FAM135B: variants seen among roughly 807,000 people sequenced by gnomAD.
FAM135B encodes family with sequence similarity 135 member B, also known as protein FAM135B.
In FAM135B, 43 loss-of-function variants were observed where a neutral mutation model predicts 127.7. The ratio of observed to expected loss-of-function variants is 0.34; its 90% CI spans 0.26 to 0.43. The LOEUF (loss-of-function observed/expected upper bound fraction) is 0.43. Among genes scored for constraint, FAM135B ranks in the 20% least tolerant of loss-of-function variants. FAM135B has a pLI of 1.00. For synonymous variants in FAM135B, 670 were observed against 665.1 expected (o/e 1.01, Z -0.11); for missense variants, 1,558 against 1,725.6 (o/e 0.90, Z 1.72).
chr8:138,424,675 C>G (rs1245239293), intron 1 of FAM135B, among the ~76,000 whole-genome samples: 1 of 152,170 alleles, frequency 6.6e-6, no homozygotes, highest in Non-Finnish European at 1.5e-5. Flanking sequence ...GAAGCAATGA[C>G]ATTAGAATTC....
At chr8:138,148,289 C>G (rs761843790) in intron 14 of FAM135B, among the ~76,000 whole-genome samples, 1 of 152,148 alleles carries the variant, frequency 6.6e-6, no homozygotes, top group South Asian at 2.1e-4. Context: ...TCCTTCGCTA[C>G]ATTTATTCAT....
chr8:138,284,473 GA>G (rs1158752338), intron 3 of FAM135B, among the ~76,000 whole-genome samples: 3 of 151,232 alleles, frequency 2.0e-5, no homozygotes, highest in East Asian at 2.0e-4. Context: ...TTAGGATAAA[GA>G]AAAAAAAATC....
intron 3 of FAM135B, among the ~76,000 whole-genome samples, chr8:138,270,927 G>C (rs1424342791): frequency 6.6e-6 from 1 of 152,166 alleles, no homozygotes; most frequent in Non-Finnish European, 1.5e-5. Context: ...AGCAGCAAAG[G>C]GTTCACTTTT....
At chr8:138,299,396 C>G (rs1825710596) in intron 3 of FAM135B, among the ~76,000 whole-genome samples, 1 of 152,100 alleles carries the variant, frequency 6.6e-6, no homozygotes, top group East Asian at 1.9e-4. Flanking sequence ...TGAACTCCCC[C>G]CTCCAAACAA....
chr8:138,403,981 T>C (rs1833305219), intron 1 of FAM135B, among the ~76,000 whole-genome samples: 1 of 152,110 alleles, frequency 6.6e-6, no homozygotes, highest in Non-Finnish European at 1.5e-5. Flanking sequence ...TGCACAACAA[T>C]AGTATTAAGG....
chr8:138,287,811 C>G (rs550986519), intron 3 of FAM135B, among the ~76,000 whole-genome samples: 1 of 152,158 alleles, frequency 6.6e-6, no homozygotes, highest in Admixed American at 6.5e-5. Context: ...GTAGTACATA[C>G]GGACAGACTG....
chr8:138,190,604 T>C (rs1463766404), intron 9 of FAM135B, among the ~76,000 whole-genome samples: 7 of 152,242 alleles, frequency 4.6e-5, no homozygotes, highest in African/African-American at 9.6e-5. Flanking sequence ...TCCTTCCCTT[T>C]ATGTTTTTGT....
intron 2 of FAM135B, among the ~76,000 whole-genome samples, chr8:138,316,966 C>T (rs1424924831): frequency 1.4e-5 from 2 of 147,364 alleles, no homozygotes; most frequent in East Asian, 4.0e-4. Flanking sequence ...GGGGACAGAG[C>T]AAGACTCCAT....
chr8:138,278,430 T>C (rs1156763004), intron 3 of FAM135B, among the ~76,000 whole-genome samples: 1 of 151,894 alleles, frequency 6.6e-6, no homozygotes, highest in East Asian at 2.0e-4. Flanking sequence ...AAAAGCAATA[T>C]GTGTTTGCTC....
intron 1 of FAM135B, among the ~76,000 whole-genome samples, chr8:138,432,522 C>T (rs981640388): frequency 1.3e-5 from 2 of 151,858 alleles, no homozygotes; most frequent in Non-Finnish European, 2.9e-5. Flanking sequence ...TCTTACCCAT[C>T]TTGGTACTTT....
Position 138,152,775 on chromosome 8 carries a change from T to A in FAM135B, c.1700A>T (p.Glu567Val), listed in dbSNP as rs1818295070. 1 of 1,614,100 alleles carries A rather than the reference T, an allele frequency of 6.2e-7. No individual in the cohort carries two copies. The highest frequency in any genetic ancestry group is 1.7e-5 in the Admixed American group (1 of 60,004). Residue 567 changes from glutamate to valine, a missense_variant, in exon 13 of 20, where the codon GAA (glutamate) becomes GTA (valine). This residue lies in a region of FAM135B where 923 missense variants were observed against 865.3 expected (regional missense o/e 1.07). Transcript: ENST00000395297. ...KSSNKNPSRA[E>V]PLVAFNAQHE... Reference sequence around the variant, plus strand: ...CTGAGCATTGAAGGCCACCAGGGGTTCAGCTCTGGAGGGGTTCTTATTGCT... The same window carrying A: ...CTGAGCATTGAAGGCCACCAGGGGTACAGCTCTGGAGGGGTTCTTATTGCT...
At chr8:138,432,139 T>C (rs1248805823) in intron 1 of FAM135B, among the ~76,000 whole-genome samples, 1 of 152,114 alleles carries the variant, frequency 6.6e-6, no homozygotes, top group Admixed American at 6.6e-5. Context: ...TAAACAAAGT[T>C]GGCACAAAAG....
At chr8:138,180,445 G>A (rs146777102) in intron 9 of FAM135B, among the ~76,000 whole-genome samples, 55 of 152,242 alleles carry the variant, frequency 3.6e-4, no homozygotes, top group Admixed American at 7.2e-4. Flanking sequence ...CTTTCTCTTC[G>A]TTGCCCTGTG....
chr8:138,207,950 C>T (rs376452598), intron 7 of FAM135B, among the ~76,000 whole-genome samples: 2 of 152,148 alleles, frequency 1.3e-5, no homozygotes, highest in Admixed American at 6.6e-5. Context: ...ATCTTTTTGC[C>T]CAAAGACATA....
intron 5 of FAM135B, 144 bp downstream of exon 5, chr8:138,256,545 C>G: frequency 1.5e-6 from 1 of 675,404 alleles, no homozygotes; most frequent in Non-Finnish European, 2.6e-6. Flanking sequence ...GCCCGCACCC[C>G]TGAGTCAGGG....
Position 138,242,240 on chromosome 8 carries a change from G to C in FAM135B, c.669+702C>G, listed in dbSNP as rs1820862089. ...GTGTTCTATTGGCTGTATTGGTCCT[G>C]TTTCTCTGGAGAACCCTGAATAATA... On this transcript the variant is annotated intron_variant, in intron 7 of 19. Transcript: ENST00000395297. The surrounding 1 kb of genome is among the most constrained non-coding windows in gnomAD (Gnocchi z 9.6). Among the ~76,000 whole-genome samples the C allele has an allele frequency of 6.8e-6, 1 of 147,838 alleles. No individual in the cohort carries two copies. Among genetic ancestry groups the C allele is most frequent in the Non-Finnish European group, 1.5e-5 (1 of 67,370 alleles).
chr8:138,157,043 C>A (rs184049866), intron 12 of FAM135B, among the ~76,000 whole-genome samples: 2 of 152,110 alleles, frequency 1.3e-5, no homozygotes, highest in African/African-American at 4.8e-5. Flanking sequence ...TGCAAAAATC[C>A]TCAATAAAAT....
At chr8:138,374,444 G>A in intron 1 of FAM135B, among the ~76,000 whole-genome samples, 1 of 152,250 alleles carries the variant, frequency 6.6e-6, no homozygotes, top group East Asian at 1.9e-4. Context: ...CTTCCTTGAA[G>A]AAGGAGATGA....
chr8:138,273,181 G>A (rs1343298345), intron 3 of FAM135B, among the ~76,000 whole-genome samples: 1 of 152,186 alleles, frequency 6.6e-6, no homozygotes, highest in African/African-American at 2.4e-5. Flanking sequence ...CTCAGTGGAA[G>A]TGAGGAGTGG....
Sources: allele counts gnomAD v4.1 joint callset (sites outside exome capture counted in the v4.1 genomes callset), GRCh38; gene constraint gnomAD v4.1.1; regional missense constraint gnomAD v4.1.1; non-coding constraint Gnocchi (gnomAD v3.1); transcripts MANE v1.5; gene names NCBI Gene and HGNC (gene_info 2026-07-23, HGNC 2026-07-21).